Variants in OSCAR observed in about 807,000 individuals in gnomAD.
OSCAR encodes the protein osteoclast associated Ig-like receptor.
A neutral mutation model predicts 27.3 loss-of-function variants in OSCAR; 25 were observed. The ratio of observed to expected loss-of-function variants is 0.92; its 90% confidence interval spans 0.67 to 1.28. The LOEUF (loss-of-function observed/expected upper bound fraction) is 1.28. Among genes scored for constraint, OSCAR ranks in the 50% most tolerant of loss-of-function variants. The pLI, the probability that OSCAR is intolerant of heterozygous loss-of-function variation, is 0.00. For synonymous variants in OSCAR, 158 were observed against 165.7 expected (o/e 0.95, Z 0.36); for missense variants, 354 against 355.1 (o/e 1.00, Z 0.03).
At position 54,099,212 on chromosome 19, in the gene OSCAR, C is replaced by CCA. The variant is rs1303643622; in HGVS notation, c.70+535_70+536insTG. On this transcript the variant is annotated intron_variant, in intron 2 of 4. Transcript: ENST00000358375. The stretch of plus-strand genomic sequence containing the variant: ...TGAGTAGCTGGGATTACAGGTGCGT[C>CCA]CCACCACACCCGGCTAATTTTTTTT... Among the ~76,000 whole-genome samples the CCA allele has an allele frequency of 2.7e-3, 363 of 133,918 alleles. 2 individuals carry two copies. Among genetic ancestry groups the CCA allele is most frequent in the African/African-American group, 9.2e-3 (345 of 37,594 alleles). 87.9% of individuals were successfully genotyped at this position (133,918 alleles called of 152,430 possible).
At chr19:54,099,360 C>T (rs112353113) in intron 2 of OSCAR, among the ~76,000 whole-genome samples, 24 of 150,506 alleles carry the variant, frequency 1.6e-4, no homozygotes, top group African/African-American at 5.4e-4. Flanking sequence ...TTGGCCATTG[C>T]GCCCAGCCCA....
rs1226016696 is a variant in OSCAR at position 54,096,113 on chromosome 19, C to T, written c.414G>A (p.Pro138=). The change falls in exon 4 of 5, where the codon CCG becomes CCA. Residue 138 remains proline (P), a synonymous_variant. Transcript: ENST00000358375. The stretch of plus-strand genomic sequence containing the variant: ...TCACGTTGGCGCCAGGACCCACCAC[C>T]GGCCCGGGCAGCGCCACCAGCGACG... The part of the protein sequence containing the change: ...PRPSLVALPG[P]VVGPGANVSL... 1 of 1,528,306 alleles carries T rather than the reference C, an allele frequency of 6.5e-7. No homozygotes were observed. The highest frequency in any genetic ancestry group is 2.0e-5 in the Admixed American group (1 of 50,294). 94.7% of individuals were successfully genotyped at this position (1,528,306 alleles called of 1,614,324 possible).
Position 54,096,015 on chromosome 19 carries a change from T to A in OSCAR, c.512A>T (p.Gln171Leu). The A allele has an allele frequency of 6.4e-7, 1 of 1,573,486 alleles. No homozygotes were observed. The highest frequency in any genetic ancestry group is 8.6e-7 in the Non-Finnish European group (1 of 1,161,638). The change falls in exon 4 of 5, where the codon CAG becomes CTG. Residue 171 changes from glutamine to leucine, a missense_variant. Physicochemically the swap from Gln to Leu is moderately radical, Grantham distance 113. Coordinates refer to ENST00000358375, the MANE Select transcript of OSCAR (RefSeq NM_133169.6). ...LYREGVAAPL[Q>L]YRHSAQPWAD... is the part of the protein sequence containing the mutation. ...CCAGGGCTGCGCGGAGTGGCGGTAC[T>A]GCAGCGGGGCCGCCACGCCCTCGCG...
Position 54,096,350 on chromosome 19 carries a change from C to G in OSCAR, c.374-197G>C, listed in dbSNP as rs1276625685. 2.1e-3 allele frequency among the ~76,000 whole-genome samples: 290 copies of G among 140,192 alleles called. 1 individual carries two copies. Among genetic ancestry groups the G allele is most frequent in the African/African-American group, 7.2e-3 (262 of 36,420 alleles). The allele number at this position is 140,192 out of a possible 152,430, so 92.0% of individuals were successfully genotyped here. The stretch of plus-strand genomic sequence containing the variant: ...TCTCTCTGCCTCCCTCTCTCTGCCT[C>G]CCTCTCTCTCTGCCTCCCTCTCTCT... On this transcript the variant is annotated intron_variant, in intron 3 of 4. Coordinates refer to ENST00000358375, the MANE Select transcript of OSCAR (RefSeq NM_133169.6).
rs367646922 is a variant in OSCAR at position 54,098,512 on chromosome 19, T to G, written c.70+1236A>C. Among the ~76,000 whole-genome samples the G allele has an allele frequency of 7.2e-5, 11 of 152,178 alleles. No individual in the cohort carries two copies. In the East Asian group the frequency reaches 1.7e-3, roughly 24 times the overall value. On this transcript the variant is annotated intron_variant, in intron 2 of 4. Transcript: ENST00000358375. Reference sequence around the variant, plus strand: ...CCTAGAGTCGGAGGCTGCAGTTAGCTGAGATCATGCCACTGCACTCCAGCC... The same window carrying G: ...CCTAGAGTCGGAGGCTGCAGTTAGCGGAGATCATGCCACTGCACTCCAGCC...
At chr19:54,100,639 A>G in intron 1 of OSCAR, 117 bp downstream of exon 1, 1 of 1,119,740 alleles carries the variant, frequency 8.9e-7, no homozygotes, top group Non-Finnish European at 1.3e-6. Flanking sequence ...TCTTTATTTG[A>G]ACCTAGAATC....
rs2146309202 is a variant in OSCAR at position 54,099,765 on chromosome 19, GT to G, written c.52del (p.Thr18GlnfsTer26). ...CTACTCACCAGACGGAGTGATGTCT[GT>G]GTGACACAGAGGCCCTGTAGGAGGT... ...QLLTLWPLCHTDITPSVPPAS... is the reference protein window; with the variant it reads ...QLLTLWPLCHXDITPSVPPAS... On this transcript the variant is annotated frameshift_variant, in exon 2 of 5. Coordinates refer to ENST00000358375, the MANE Select transcript of OSCAR (RefSeq NM_133169.6). LOFTEE classifies it high-confidence loss of function. 1.2e-6 allele frequency: 2 copies of G among 1,613,682 alleles called. No homozygotes were observed. The highest frequency in any genetic ancestry group is 2.7e-5 in the African/African-American group (2 of 74,958).
chr19:54,096,970 C>A lies in OSCAR; in HGVS notation c.265G>T (p.Glu89Ter). 6.2e-7 allele frequency: 1 copy of A among 1,614,146 alleles called. No homozygotes were observed. The highest frequency in any genetic ancestry group is 1.3e-5 in the African/African-American group (1 of 75,034). ...SSELAEFFLE[E>*]VTPAQGGSYR... ...CTTCCCCCTTGGGCTGGAGTCACCT[C>A]CTCCAGAAAGAATTCTGCCAGCTCG... The change falls in exon 3 of 5, where the codon GAG becomes TAG. Residue 89 changes from glutamate (E) to a stop codon, truncating the protein, a stop_gained. Coordinates refer to ENST00000358375, the MANE Select transcript of OSCAR (RefSeq NM_133169.6). LOFTEE classifies it high-confidence loss of function.
At chr19:54,099,244 T>TTTTTTTTTTTTTTTTGTTTTTG (rs1267618078) in intron 2 of OSCAR, among the ~76,000 whole-genome samples, 6 of 133,194 alleles carry the variant, frequency 4.5e-5, no homozygotes, top group Admixed American at 1.7e-4. Flanking sequence ...TTTTTTTTTT[T>TTTTTTTTTTTTTTTTGTTTTTG]TTTTTTTTTA....
chr19:54,096,033 C>A lies in OSCAR; in HGVS notation c.494G>T (p.Gly165Val), dbSNP rs767176597. 11 of 1,561,470 alleles carry A rather than the reference C, an allele frequency of 7.0e-6. No individual in the cohort carries two copies. The East Asian group carries it at 2.1e-4, about 30-fold the overall frequency. Residue 165 changes from glycine (G) to valine (V), a missense_variant, in exon 4 of 5, where the codon GGC becomes GTC. Physicochemically the swap from Gly to Val is moderately radical, Grantham distance 109. Coordinates refer to ENST00000358375, the MANE Select transcript of OSCAR (RefSeq NM_133169.6). ...GCGGTACTGCAGCGGGGCCGCCACG[C>A]CCTCGCGGTACAGCACGAAGCTCAT... ...RNMSFVLYRE[G>V]VAAPLQYRHS...
At chr19:54,098,129 A>T (rs1215157117) in intron 2 of OSCAR, among the ~76,000 whole-genome samples, 1 of 152,210 alleles carries the variant, frequency 6.6e-6, no homozygotes, top group African/African-American at 2.4e-5. Context: ...GGCTTCTTAA[A>T]ATATAAAATA....
intron 1 of OSCAR, among the ~76,000 whole-genome samples, chr19:54,100,361 G>C (rs953273922): frequency 3.3e-5 from 5 of 152,100 alleles, no homozygotes; most frequent in African/African-American, 1.2e-4. Flanking sequence ...AACAATGATC[G>C]TAGAGTTTCT....
intron 4 of OSCAR, chr19:54,095,661 G>A: frequency 2.0e-6 from 2 of 1,022,296 alleles, no homozygotes; most frequent in Non-Finnish European, 2.8e-6. Flanking sequence ...GGGTCTGAGG[G>A]AGGAGGAGCT....
At position 54,096,273 on chromosome 19, in the gene OSCAR, T is replaced by C. The variant is rs2072690950; in HGVS notation, c.374-120A>G. ...GTGCCTCTCTCTCTCTTTCTGCCTC[T>C]CTTTCTCTCTGCCTGTCTCTCTCTC... is the stretch of plus-strand genomic sequence containing the variant. On this transcript the variant is annotated intron_variant, in intron 3 of 4. Transcript: ENST00000358375. 1.0e-5 allele frequency: 9 copies of C among 903,870 alleles called. No homozygotes were observed. In the South Asian group the frequency reaches 1.3e-4, roughly 13 times the overall value. 56.0% of individuals were successfully genotyped at this position (903,870 alleles called of 1,614,324 possible).
rs753336833 is a variant in OSCAR at position 54,099,676 on chromosome 19, C to T, written c.70+72G>A. On this transcript the variant is annotated intron_variant, in intron 2 of 4. Coordinates refer to ENST00000358375, the MANE Select transcript of OSCAR (RefSeq NM_133169.6). Reference sequence around the variant, plus strand: ...AGGATATCTGGGATGGGATTGGGCACCAAAATAAAATCTGAGTAATTGGAA... The same window carrying T: ...AGGATATCTGGGATGGGATTGGGCATCAAAATAAAATCTGAGTAATTGGAA... 9.3e-6 allele frequency: 15 copies of T among 1,613,366 alleles called. No homozygotes were observed. In the East Asian group the frequency reaches 1.8e-4, roughly 19 times the overall value.
rs748684557 is a variant in OSCAR at position 54,097,046 on chromosome 19, T to C, written c.189A>G (p.Gly63=). Residue 63 remains glycine, a synonymous_variant, in exon 3 of 5, where the codon GGA becomes GGG. Coordinates refer to ENST00000358375, the MANE Select transcript of OSCAR (RefSeq NM_133169.6). ...GAGCGATCTCTCCAGGCTTGAAAAG[T>C]CCAAATCTCCAAGCGGGTTGGGGTG... ...CRAPQPAWRF[G]LFKPGEIAPL... 30 of 1,614,100 alleles carry C rather than the reference T, an allele frequency of 1.9e-5. No individual in the cohort carries two copies. The highest frequency in any genetic ancestry group is 2.5e-5 in the Non-Finnish European group (30 of 1,180,022).
intron 1 of OSCAR, among the ~76,000 whole-genome samples, chr19:54,100,044 TCA>T (rs2072966147): frequency 6.6e-6 from 1 of 152,066 alleles, no homozygotes; most frequent in Admixed American, 6.6e-5. Context: ...ACTCCTGTCC[TCA>T]GGTGATCCAC....
At chr19:54,096,673 C>G (rs1000958527) in intron 3 of OSCAR, among the ~76,000 whole-genome samples, 189 bp downstream of exon 3, 3 of 148,276 alleles carry the variant, frequency 2.0e-5, no homozygotes, top group African/African-American at 7.4e-5. Flanking sequence ...TCTCTCCCCC[C>G]GCACTGTACC....
rs1459163980 is a variant in OSCAR, at chr19:54,099,769, G to A, written c.49C>T (p.His17Tyr). The A allele has an allele frequency of 1.2e-6, 2 of 1,613,472 alleles. No individual in the cohort carries two copies. The highest frequency in any genetic ancestry group is 1.7e-6 in the Non-Finnish European group (2 of 1,179,804). The change falls in exon 2 of 5, where the codon CAC becomes TAC. Residue 17 changes from histidine to tyrosine, a missense_variant. His to Tyr is a moderately conservative substitution (Grantham distance 83, BLOSUM62 2). Coordinates refer to ENST00000358375, the MANE Select transcript of OSCAR (RefSeq NM_133169.6). ...LQLLTLWPLC[H>Y]TDITPSVPPA... ...TCACCAGACGGAGTGATGTCTGTGT[G>A]ACACAGAGGCCCTGTAGGAGGTTGA...
Sources: allele counts gnomAD v4.1 joint callset (sites outside exome capture counted in the v4.1 genomes callset), GRCh38; gene constraint gnomAD v4.1.1; transcripts MANE v1.5; gene names NCBI Gene and HGNC (gene_info 2026-07-23, HGNC 2026-07-21).